QTGAL: variants seen among roughly 807,000 people sequenced by gnomAD.
QTGAL encodes BGnT-like protein 1.
chr17:83,028,263 A>C, the QTGAL span, among the ~76,000 whole-genome samples: 6 of 151,710 alleles, frequency 4.0e-5, no homozygotes, highest in South Asian at 8.3e-4. Context: ...GGTGGCTCAC[A>C]CCTGTAATCC....
At chr17:83,048,555 T>A in the QTGAL span, 1 of 1,614,022 alleles carries the variant, frequency 6.2e-7, no homozygotes, top group Non-Finnish European at 8.5e-7. Context: ...TTTTCAATGA[T>A]AGCCCCAGAC....
the QTGAL span, among the ~76,000 whole-genome samples, chr17:82,974,930 C>A: frequency 6.8e-6 from 1 of 146,188 alleles, no homozygotes; most frequent in Non-Finnish European, 1.5e-5. Flanking sequence ...GGCCCCAGGA[C>A]AGAGCCGGAC....
chr17:82,975,846 A>G, the QTGAL span, among the ~76,000 whole-genome samples: 78 of 37,296 alleles, frequency 2.1e-3, 2 homozygotes, highest in East Asian at 4.0e-3. Flanking sequence ...ACAGGGCCCC[A>G]GGACAGAGCC....
chr17:83,035,268 C>T, the QTGAL span, among the ~76,000 whole-genome samples: 1 of 151,928 alleles, frequency 6.6e-6, no homozygotes, highest in Non-Finnish European at 1.5e-5. Flanking sequence ...CAACCTCCGC[C>T]TCCTGGGTCC....
the QTGAL span, among the ~76,000 whole-genome samples, chr17:83,042,647 A>C: frequency 6.6e-6 from 1 of 152,148 alleles, no homozygotes; most frequent in African/African-American, 2.4e-5. Flanking sequence ...AATAAAAAAG[A>C]CATAAGACAT....
chr17:83,019,051 C>A, the QTGAL span, among the ~76,000 whole-genome samples: 21 of 152,188 alleles, frequency 1.4e-4, no homozygotes, highest in South Asian at 4.1e-4. Flanking sequence ...GGAACACTGC[C>A]ACCAGGAGAC....
the QTGAL span, among the ~76,000 whole-genome samples, chr17:83,009,509 C>T: frequency 9.5e-4 from 145 of 152,312 alleles, no homozygotes; most frequent in East Asian, 5.0e-3. Flanking sequence ...CCCCACTGCA[C>T]GGCCTGGCAC....
At chr17:82,957,773 A>G in the QTGAL span, among the ~76,000 whole-genome samples, 1 of 152,150 alleles carries the variant, frequency 6.6e-6, no homozygotes, top group Non-Finnish European at 1.5e-5. Context: ...GGAAGGCAGA[A>G]TTTCTGTAGG....
the QTGAL span, among the ~76,000 whole-genome samples, chr17:82,964,891 C>T: frequency 1.2e-4 from 12 of 97,974 alleles, no homozygotes; most frequent in Non-Finnish European, 1.2e-4. Flanking sequence ...GACGGTGACA[C>T]GGACGCCTGC....
At chr17:83,004,636 A>G in the QTGAL span, among the ~76,000 whole-genome samples, 3 of 124,376 alleles carry the variant, frequency 2.4e-5, no homozygotes, top group African/African-American at 3.3e-5. Context: ...CACCCTCCGC[A>G]CTCCGCGTGT....
At chr17:82,949,290 C>G in the QTGAL span, 1 of 152,186 alleles carries the variant, frequency 6.6e-6, no homozygotes, top group Non-Finnish European at 1.5e-5. Context: ...TATACAAATA[C>G]TGCAGCAGCA....
the QTGAL span, chr17:83,049,138 A>T: frequency 9.5e-6 from 2 of 209,806 alleles, no homozygotes; most frequent in African/African-American, 4.7e-5. Context: ...CTGTAGTCCC[A>T]GCTACTCGGG....
chr17:83,007,172 A>G, the QTGAL span: 3 of 966,822 alleles, frequency 3.1e-6, no homozygotes, highest in South Asian at 9.6e-5. Flanking sequence ...TGGCTGTGTA[A>G]TTCTTTTCAT....
At chr17:82,956,715 A>G in the QTGAL span, 131 of 1,587,924 alleles carry the variant, frequency 8.2e-5, 1 homozygote, top group African/African-American at 1.7e-3. This position sits in a 1 kb window ranked among gnomAD's most constrained non-coding sequence, Gnocchi z 5.7. Context: ...CAGATGACGA[A>G]GGGTGGCCGG....
At chr17:82,961,426 C>G in the QTGAL span, 1 of 541,324 alleles carries the variant, frequency 1.8e-6, no homozygotes, top group Non-Finnish European at 3.3e-6. Context: ...GGTTCTGCCC[C>G]AAATTCCATT....
At chr17:82,954,823 C>T in the QTGAL span, among the ~76,000 whole-genome samples, 1 of 152,132 alleles carries the variant, frequency 6.6e-6, no homozygotes, top group Non-Finnish European at 1.5e-5. Context: ...TCAGAAATAA[C>T]ACCACACATC....
At chr17:83,012,017 C>A in the QTGAL span, among the ~76,000 whole-genome samples, 2 of 106,102 alleles carry the variant, frequency 1.9e-5, no homozygotes, top group Admixed American at 1.0e-4. Context: ...TCTCCCAGCT[C>A]GTTTGAACAC....
the QTGAL span, chr17:83,048,621 C>A: frequency 1.9e-6 from 3 of 1,605,254 alleles, no homozygotes; most frequent in South Asian, 1.1e-5. Context: ...AACAGTCAAC[C>A]GTTGCTTACA....
At chr17:82,961,928 C>G in the QTGAL span, among the ~76,000 whole-genome samples, 2 of 152,142 alleles carry the variant, frequency 1.3e-5, no homozygotes, top group Admixed American at 1.3e-4. Flanking sequence ...GCCCAGGGCT[C>G]TGGGCCTTGT....
Sources: allele counts gnomAD v4.1 joint callset (sites outside exome capture counted in the v4.1 genomes callset), GRCh38; gene constraint gnomAD v4.1.1; non-coding constraint Gnocchi (gnomAD v3.1); transcripts MANE v1.5; gene names NCBI Gene and HGNC (gene_info 2026-07-23, HGNC 2026-07-21).